Variants in WDR41 observed in about 807,000 individuals in gnomAD.
The protein encoded by WDR41 is WD repeat-containing protein 41.
WDR41 carries 63 observed loss-of-function variants against 69.3 expected under a neutral mutation model. The ratio of observed to expected loss-of-function variants is 0.91; its 90% CI spans 0.74 to 1.12. The LOEUF (loss-of-function observed/expected upper bound fraction) is 1.12. Ranked by LOEUF, WDR41 falls within the 50% of genes most tolerant of loss-of-function variation. The pLI is 0.00. For missense variants in WDR41, 543 were observed against 534.5 expected (o/e 1.02, Z -0.16); for synonymous variants, 185 against 192.1 (o/e 0.96, Z 0.31).
At chr5:77,614,326 G>T (rs905434761) in intron 1 of WDR41, among the ~76,000 whole-genome samples, 2 of 151,748 alleles carry the variant, frequency 1.3e-5, no homozygotes, top group Admixed American at 6.6e-5. Context: ...AAATCATGCC[G>T]CTATAAAGAC....
intron 1 of WDR41, among the ~76,000 whole-genome samples, chr5:77,610,246 G>A (rs1229819907): frequency 6.6e-6 from 1 of 152,196 alleles, no homozygotes; most frequent in Non-Finnish European, 1.5e-5. Context: ...ATATTATACA[G>A]GAGAACTTCC....
rs915687800 is a variant in WDR41, at chr5:77,475,613, G to C, written c.168-10804C>G. Among the ~76,000 whole-genome samples the C allele has an allele frequency of 5.1e-4, 78 of 152,204 alleles. 1 individual carries two copies. The highest frequency in any genetic ancestry group is 1.9e-3 in the African/African-American group (78 of 41,506). On this transcript the variant is annotated intron_variant, in intron 2 of 12. Coordinates refer to ENST00000296679, the MANE Select transcript of WDR41 (RefSeq NM_018268.4). ...CAACAGACCTGCAGCTGAGGGTCCT[G>C]TCTGTTAGAAGGAAAACTAACAAAC...
At chr5:77,545,241 C>T (rs1436507915) in intron 1 of WDR41, among the ~76,000 whole-genome samples, 1 of 151,982 alleles carries the variant, frequency 6.6e-6, no homozygotes, top group Non-Finnish European at 1.5e-5. Context: ...AATCTAAGGT[C>T]GCACCTCAAG....
intron 1 of WDR41, among the ~76,000 whole-genome samples, chr5:77,516,982 C>A (rs188895980): frequency 6.7e-6 from 1 of 150,116 alleles, no homozygotes; most frequent in African/African-American, 2.5e-5. Context: ...CGCCACTTCA[C>A]TCCAGCCTGG....
intron 1 of WDR41, among the ~76,000 whole-genome samples, chr5:77,502,214 C>T (rs1196582979): frequency 3.9e-5 from 6 of 151,918 alleles, no homozygotes; most frequent in African/African-American, 1.2e-4. Flanking sequence ...ATGAAAACTT[C>T]GTGACACATA....
chr5:77,465,572 A>G (rs1221890041), intron 2 of WDR41, among the ~76,000 whole-genome samples: 1 of 152,102 alleles, frequency 6.6e-6, no homozygotes, highest in Non-Finnish European at 1.5e-5. Context: ...ATCTTATTAT[A>G]CTAACGCAAC....
At chr5:77,459,160 T>C (rs1799944298) in intron 4 of WDR41, 36 bp from the exon 5 acceptor site, 1 of 1,432,742 alleles carries the variant, frequency 7.0e-7, no homozygotes, top group African/African-American at 1.4e-5. Flanking sequence ...CTAAACAGAA[T>C]TTTAAAATCT....
intron 2 of WDR41, among the ~76,000 whole-genome samples, chr5:77,471,458 A>G (rs1201562946): frequency 6.6e-6 from 1 of 152,176 alleles, no homozygotes; most frequent in African/African-American, 2.4e-5. Flanking sequence ...GAGACACAAA[A>G]AACCCTTCAA....
chr5:77,454,186 C>T (rs901997901), intron 5 of WDR41, among the ~76,000 whole-genome samples: 48 of 152,128 alleles, frequency 3.2e-4, no homozygotes, highest in African/African-American at 1.1e-3. Flanking sequence ...GGATCACGTG[C>T]TCTAAGGTGA....
chr5:77,506,796 C>A (rs1376307011), intron 1 of WDR41, among the ~76,000 whole-genome samples: 5 of 151,634 alleles, frequency 3.3e-5, no homozygotes, highest in African/African-American at 4.9e-5. Context: ...GACAGAAAAC[C>A]AAACACCATA....
At chr5:77,608,933 A>G (rs1744482943) in intron 1 of WDR41, among the ~76,000 whole-genome samples, 1 of 152,168 alleles carries the variant, frequency 6.6e-6, no homozygotes, top group Non-Finnish European at 1.5e-5. Flanking sequence ...CACCTGGAAA[A>G]TCGGGTCACT....
intron 1 of WDR41, among the ~76,000 whole-genome samples, chr5:77,530,516 G>T (rs535358931): frequency 6.6e-6 from 1 of 151,568 alleles, no homozygotes; most frequent in Non-Finnish European, 1.5e-5. Flanking sequence ...ACACAAAAAA[G>T]AATATACTGA....
chr5:77,535,118 C>T (rs188156297), intron 1 of WDR41, among the ~76,000 whole-genome samples: 61 of 152,136 alleles, frequency 4.0e-4, no homozygotes, highest in African/African-American at 1.4e-3. Context: ...TGAATCAGGT[C>T]ATTTCTATCT....
intron 1 of WDR41, among the ~76,000 whole-genome samples, chr5:77,570,527 G>A (rs1381042401): frequency 6.8e-6 from 1 of 146,534 alleles, no homozygotes; most frequent in East Asian, 2.0e-4. Flanking sequence ...CTACATCACA[G>A]ATGTTGCTAA....
At chr5:77,460,615 T>C (rs905414644) in intron 4 of WDR41, among the ~76,000 whole-genome samples, 1 of 152,216 alleles carries the variant, frequency 6.6e-6, no homozygotes, top group South Asian at 2.1e-4. Flanking sequence ...TTTTTGGATT[T>C]TGGAATATGT....
chr5:77,610,633 C>T (rs1744527596), intron 1 of WDR41, among the ~76,000 whole-genome samples: 1 of 152,042 alleles, frequency 6.6e-6, no homozygotes, highest in African/African-American at 2.4e-5. Context: ...CCAGGCCTGC[C>T]CTAAAAGAGC....
intron 1 of WDR41, among the ~76,000 whole-genome samples, chr5:77,543,969 C>T (rs779078802): frequency 6.6e-6 from 1 of 152,058 alleles, no homozygotes; most frequent in African/African-American, 2.4e-5. Context: ...CAGCAGAAAC[C>T]CTGAAAGCTA....
intron 1 of WDR41, among the ~76,000 whole-genome samples, chr5:77,618,815 C>T (rs1250262285): frequency 6.6e-6 from 1 of 152,196 alleles, no homozygotes; most frequent in Non-Finnish European, 1.5e-5. Context: ...AGGTTGAAGA[C>T]TTGCTTTGTG....
intron 1 of WDR41, among the ~76,000 whole-genome samples, chr5:77,544,326 A>AAAC (rs1743149663): frequency 6.6e-6 from 1 of 152,156 alleles, no homozygotes; most frequent in Non-Finnish European, 1.5e-5. Context: ...ACATCTCAAT[A>AAAC]CTAACATTGA....
Sources: gnomAD v4.1 joint callset for allele counts (sites outside exome capture counted in the v4.1 genomes callset) on GRCh38, gnomAD v4.1.1 for gene constraint, MANE v1.5 for transcripts, NCBI Gene and HGNC (gene_info 2026-07-23, HGNC 2026-07-21) for gene names.